The following WDR70 variants were observed in gnomAD, a reference collection of about 807,000 sequenced individuals.
WDR70 encodes WD repeat domain 70, also known as WD repeat-containing protein 70.
A neutral mutation model predicts 88.6 loss-of-function variants in WDR70; 53 were observed. The observed-to-expected ratio is 0.60, with a 90% CI of 0.48 to 0.75. The LOEUF (loss-of-function observed/expected upper bound fraction) is 0.75. WDR70 is among the 30% of genes least tolerant of loss of function. The probability of loss-of-function intolerance (pLI) is 0.00; values close to 1 mark genes in which losing one functional copy is unlikely to be tolerated. For missense variants in WDR70, 610 were observed against 823.2 expected (o/e 0.74, Z 3.17); for synonymous variants, 280 against 270.0 (o/e 1.04, Z -0.36).
At chr5:37,515,575 C>T (rs1420597584) in intron 8 of WDR70, among the ~76,000 whole-genome samples, 1 of 152,220 alleles carries the variant, frequency 6.6e-6, no homozygotes, top group African/African-American at 2.4e-5. Context: ...TGGCCAGATA[C>T]TATTTGAGGC....
At position 37,612,992 on chromosome 5, in the gene WDR70, T is replaced by G. The variant is rs141432460; in HGVS notation, c.1092+7754T>G. On this transcript the variant is annotated intron_variant, in intron 10 of 17. Coordinates refer to ENST00000265107, the MANE Select transcript of WDR70 (RefSeq NM_018034.4). ...GCAAATTACTTGCAGGCACTAAACT[T>G]AAATTCTAATTTGTCAATTATTTTC... Among the ~76,000 whole-genome samples, 363 of 152,328 alleles carry G rather than the reference T, an allele frequency of 2.4e-3. 5 individuals carry two copies. The East Asian group carries it at 0.034, about 14-fold the overall frequency.
intron 7 of WDR70, among the ~76,000 whole-genome samples, chr5:37,467,079 T>C (rs1251415812): frequency 6.6e-6 from 1 of 151,776 alleles, no homozygotes; most frequent in East Asian, 1.9e-4. Context: ...CTACAAAAAT[T>C]AGCTGGGCAT....
chr5:37,721,462 G>A (rs183798051), intron 14 of WDR70: 3 of 531,394 alleles, frequency 5.6e-6, no homozygotes, highest in East Asian at 3.2e-5. Context: ...TAGCTGAAAT[G>A]TTGAGTGCAA....
At chr5:37,570,817 G>A (rs746667404) in intron 9 of WDR70, among the ~76,000 whole-genome samples, 3 of 152,080 alleles carry the variant, frequency 2.0e-5, no homozygotes, top group African/African-American at 4.8e-5. Context: ...ACCCATTTTT[G>A]TACTGGCTGA....
At chr5:37,415,257 C>T (rs1292516397) in intron 5 of WDR70, among the ~76,000 whole-genome samples, 7 of 152,032 alleles carry the variant, frequency 4.6e-5, no homozygotes, top group South Asian at 2.1e-4. Flanking sequence ...TCCACAAAAC[C>T]GCCATTGTCA....
chr5:37,529,317 T>C lies in WDR70; in HGVS notation c.917+12727T>C, dbSNP rs78296048. Among the ~76,000 whole-genome samples, 755 of 152,252 alleles carry C rather than the reference T, an allele frequency of 5.0e-3. 10 individuals carry two copies. Among genetic ancestry groups the C allele is most frequent in the African/African-American group, 0.017 (716 of 41,562 alleles). ...TTGGCTATGTGGGCTCTTTTTTGGT[T>C]CCCTATGAATTTTGAGGTTGTTTTT... On this transcript the variant is annotated intron_variant, in intron 9 of 17. Coordinates refer to ENST00000265107, the MANE Select transcript of WDR70 (RefSeq NM_018034.4).
rs543159626 is a variant in WDR70 at position 37,563,348 on chromosome 5, G to C, written c.918-41716G>C. 9.0e-3 allele frequency among the ~76,000 whole-genome samples: 533 copies of C among 59,520 alleles called. 167 individuals are homozygous for C. The highest frequency in any genetic ancestry group is 0.016 in the Non-Finnish European group (397 of 24,852). 39.0% of individuals were successfully genotyped at this position (59,520 alleles called of 152,430 possible). A position where few individuals can be genotyped will look rare whatever the true frequency, so the allele number is the denominator to read the frequency against. On this transcript the variant is annotated intron_variant, in intron 9 of 17. Coordinates refer to ENST00000265107, the MANE Select transcript of WDR70 (RefSeq NM_018034.4). ...TGGACGGGGCGGCTGGCCGTGCAGA[G>C]GGGCTCCTCTCTTCCCAGTAGGGGC... is the stretch of plus-strand genomic sequence containing the variant.
intron 8 of WDR70, among the ~76,000 whole-genome samples, chr5:37,509,112 T>C (rs539043458): frequency 5.1e-4 from 77 of 152,240 alleles, no homozygotes; most frequent in African/African-American, 1.7e-3. Context: ...CTTCTCTCTC[T>C]TTCTCTCCTT....
chr5:37,463,047 G>C (rs2112109347), intron 7 of WDR70, among the ~76,000 whole-genome samples: 1 of 152,166 alleles, frequency 6.6e-6, no homozygotes, highest in South Asian at 2.1e-4. Flanking sequence ...GCCAAGGTGG[G>C]CGGAACACGA....
chr5:37,411,047 G>A (rs1218134414), intron 5 of WDR70, among the ~76,000 whole-genome samples: 1 of 152,214 alleles, frequency 6.6e-6, no homozygotes, highest in Non-Finnish European at 1.5e-5. Flanking sequence ...AGAAAAAGTT[G>A]TAGTTTTCTT....
intron 8 of WDR70, among the ~76,000 whole-genome samples, chr5:37,513,430 G>A (rs936330916): frequency 2.0e-5 from 3 of 152,190 alleles, no homozygotes; most frequent in Non-Finnish European, 2.9e-5. Flanking sequence ...CTGAAAGGAA[G>A]GAAGTGGCTG....
At chr5:37,743,676 G>A (rs943149321) in intron 17 of WDR70, among the ~76,000 whole-genome samples, 3 of 152,108 alleles carry the variant, frequency 2.0e-5, no homozygotes, top group African/African-American at 7.2e-5. Context: ...GCCTCTTCAG[G>A]TCTAACCCTG....
chr5:37,589,109 T>C (rs1743448644), intron 9 of WDR70, among the ~76,000 whole-genome samples: 1 of 151,974 alleles, frequency 6.6e-6, no homozygotes, highest in African/African-American at 2.4e-5. Flanking sequence ...TTCAGGCTGG[T>C]CTAGAACTCC....
chr5:37,679,002 C>T (rs1746330195), intron 10 of WDR70, among the ~76,000 whole-genome samples: 1 of 152,218 alleles, frequency 6.6e-6, no homozygotes, highest in Admixed American at 6.5e-5. Context: ...TCACTGATAC[C>T]CTTTCTTCCA....
At chr5:37,497,825 G>C (rs757377211) in intron 8 of WDR70, among the ~76,000 whole-genome samples, 1 of 150,830 alleles carries the variant, frequency 6.6e-6, no homozygotes, top group Non-Finnish European at 1.5e-5. Context: ...TTTTTGTTTT[G>C]TTTTTGTTTT....
At chr5:37,734,490 T>C (rs1748242053) in intron 17 of WDR70, among the ~76,000 whole-genome samples, 1 of 152,102 alleles carries the variant, frequency 6.6e-6, no homozygotes, top group African/African-American at 2.4e-5. Context: ...ATGGAGCTTA[T>C]ATGCTAGTAG....
At chr5:37,539,897 G>C (rs1310458730) in intron 9 of WDR70, among the ~76,000 whole-genome samples, 1 of 152,148 alleles carries the variant, frequency 6.6e-6, no homozygotes, top group Non-Finnish European at 1.5e-5. Context: ...CCAAAATTCT[G>C]TCTTTTAGCG....
chr5:37,658,815 C>T (rs529616887), intron 10 of WDR70, among the ~76,000 whole-genome samples: 1 of 152,244 alleles, frequency 6.6e-6, no homozygotes, highest in South Asian at 2.1e-4. Context: ...ACATCCTTCC[C>T]TTACCTAACC....
intron 5 of WDR70, among the ~76,000 whole-genome samples, chr5:37,413,201 T>G (rs1749577978): frequency 6.6e-6 from 1 of 152,124 alleles, no homozygotes; most frequent in Non-Finnish European, 1.5e-5. Flanking sequence ...AAATGGGCAC[T>G]AGGGGGCAAT....
Sources: allele counts gnomAD v4.1 joint callset (sites outside exome capture counted in the v4.1 genomes callset), GRCh38; gene constraint gnomAD v4.1.1; transcripts MANE v1.5; gene names NCBI Gene and HGNC (gene_info 2026-07-23, HGNC 2026-07-21).